The following TSNARE1 variants were observed in gnomAD, a reference collection of about 807,000 sequenced individuals.
TSNARE1 encodes the protein t-SNARE domain containing 1.
TSNARE1 carries 49 observed loss-of-function variants against 62.0 expected under a neutral mutation model. The observed-to-expected ratio is 0.79, with a 90% CI of 0.63 to 1.00. The LOEUF (loss-of-function observed/expected upper bound fraction) is 1.00, where lower values mean the gene tolerates loss of function less well. Ranked by LOEUF, TSNARE1 falls within the 50% of genes least tolerant of loss-of-function variation. The pLI, the probability that TSNARE1 is intolerant of heterozygous loss-of-function variation, is 0.00. For missense variants in TSNARE1, 755 were observed against 700.1 expected, an observed-to-expected ratio of 1.08 and a Z score of -0.88; for synonymous variants, 328 against 294.4, an observed-to-expected ratio of 1.11 and a Z score of -1.17.
rs1563755730 is a variant in TSNARE1 at position 142,222,684 on chromosome 8, C to CACTCACTCACTCATCCACT, written c.*11+6788_*11+6789insAGTGGATGAGTGAGTGAGT. Among the ~76,000 whole-genome samples, 120 of 86,686 alleles carry CACTCACTCACTCATCCACT rather than the reference C, an allele frequency of 1.4e-3. 47 individuals are homozygous for CACTCACTCACTCATCCACT. Among genetic ancestry groups the CACTCACTCACTCATCCACT allele is most frequent in the East Asian group, 5.8e-3 (13 of 2,226 alleles). 56.9% of individuals were successfully genotyped at this position (86,686 alleles called of 152,430 possible). On this transcript the variant is annotated intron_variant, in intron 13 of 13. Transcript: ENST00000524325. Reference sequence around the variant, plus strand: ...TTCACTCACTCACTCATCCACTCATCCACTCACTCACTCATCCACTCACTC... The same window carrying CACTCACTCACTCATCCACT: ...TTCACTCACTCACTCATCCACTCATCACTCACTCACTCATCCACTCACTCACTCACTCATCCACTCACTC...
rs371989387 is a variant in TSNARE1 at position 142,331,008 on chromosome 8, A to C, written c.824-38T>G. 1.9e-6 allele frequency: 3 copies of C among 1,589,060 alleles called. No individual in the cohort carries two copies. The African/African-American group carries it at 4.0e-5, about 21-fold the overall frequency. On this transcript the variant is annotated intron_variant, in intron 5 of 13. Coordinates refer to ENST00000524325, the MANE Select transcript of TSNARE1 (RefSeq NM_145003.5). Reference sequence around the variant, plus strand: ...AGAGGGACAGGGTGAGGGCAGAAGGAGCTTCCCTGCCCCCTGCTACTCCAT... The same window carrying C: ...AGAGGGACAGGGTGAGGGCAGAAGGCGCTTCCCTGCCCCCTGCTACTCCAT...
intron 4 of TSNARE1, among the ~76,000 whole-genome samples, chr8:142,335,727 C>T (rs1046778780): frequency 6.6e-6 from 1 of 152,204 alleles, no homozygotes; most frequent in Admixed American, 6.5e-5. Flanking sequence ...GAGCCGAAGA[C>T]GGCTCGTCCA....
At chr8:142,225,153 C>A (rs1442722145) in intron 13 of TSNARE1, among the ~76,000 whole-genome samples, 1 of 151,894 alleles carries the variant, frequency 6.6e-6, no homozygotes, top group Non-Finnish European at 1.5e-5. Flanking sequence ...CCTGCCTCCC[C>A]CCTCCCCCCA....
chr8:142,391,233 C>T (rs1837499340), intron 1 of TSNARE1, among the ~76,000 whole-genome samples: 1 of 144,192 alleles, frequency 6.9e-6, no homozygotes, highest in Admixed American at 6.9e-5. Flanking sequence ...GACTCTATAG[C>T]AGACGCTGTA....
At position 142,300,348 on chromosome 8, in the gene TSNARE1, C is replaced by G. The variant is rs369807182; in HGVS notation, c.1290+138G>C. On this transcript the variant is annotated intron_variant, in intron 10 of 13. Transcript: ENST00000524325. The stretch of plus-strand genomic sequence containing the variant: ...GCCAGAGAGAGGTGGTTAGAATGGG[C>G]AAGGCCATGGAGGCCTAGTTCCAGC... 207 of 1,004,682 alleles carry G rather than the reference C, an allele frequency of 2.1e-4. No individual in the cohort carries two copies. In the African/African-American group the frequency reaches 3.1e-3, roughly 15 times the overall value. The allele number at this position is 1,004,682 out of a possible 1,614,324, so 62.2% of individuals were successfully genotyped here.
chr8:142,327,677 C>A lies in TSNARE1; in HGVS notation c.893+3224G>T, dbSNP rs578058606. ...ACCGCACACATGGATCATGGTCCTGCCCTGCTTAAGCTCTCACTGCAGGAG... is the reference window on the plus strand; with the variant it reads ...ACCGCACACATGGATCATGGTCCTGACCTGCTTAAGCTCTCACTGCAGGAG... On this transcript the variant is annotated intron_variant, in intron 6 of 13. Coordinates refer to ENST00000524325, the MANE Select transcript of TSNARE1 (RefSeq NM_145003.5). 6.6e-5 allele frequency among the ~76,000 whole-genome samples: 10 copies of A among 152,332 alleles called. No homozygotes were observed. The South Asian group carries it at 2.1e-3, about 32-fold the overall frequency.
At chr8:142,230,579 G>T (rs1817054143) in intron 12 of TSNARE1, among the ~76,000 whole-genome samples, 1 of 152,134 alleles carries the variant, frequency 6.6e-6, no homozygotes. Context: ...ATGGGCAGGG[G>T]CCTAGGGGAG....
chr8:142,214,163 G>T (rs952337391), intron 13 of TSNARE1, among the ~76,000 whole-genome samples: 1 of 152,186 alleles, frequency 6.6e-6, no homozygotes, highest in Non-Finnish European at 1.5e-5. Context: ...AGGCGATGAC[G>T]CTGGGTGCGG....
chr8:142,358,985 T>A (rs1406206065), intron 1 of TSNARE1, among the ~76,000 whole-genome samples: 1 of 151,884 alleles, frequency 6.6e-6, no homozygotes, highest in African/African-American at 2.4e-5. Flanking sequence ...AGCTGGGCCC[T>A]GTCCTGCCCC....
intron 11 of TSNARE1, among the ~76,000 whole-genome samples, chr8:142,281,380 G>A (rs1586996954): frequency 1.3e-5 from 2 of 152,034 alleles, no homozygotes; most frequent in South Asian, 4.1e-4. Context: ...TCCAGTGGGA[G>A]CGGGAAAGAC....
At chr8:142,366,361 A>G (rs1835551443) in intron 1 of TSNARE1, among the ~76,000 whole-genome samples, 1 of 152,210 alleles carries the variant, frequency 6.6e-6, no homozygotes, top group African/African-American at 2.4e-5. Context: ...TAGTCTAAAA[A>G]CAAGAAAAAG....
intron 1 of TSNARE1, among the ~76,000 whole-genome samples, chr8:142,374,816 C>T (rs530885927): frequency 2.0e-5 from 3 of 151,996 alleles, no homozygotes; most frequent in African/African-American, 4.8e-5. Context: ...GGGGCTGGGG[C>T]GGAGGAAGGA....
intron 12 of TSNARE1, among the ~76,000 whole-genome samples, chr8:142,235,826 G>A (rs1416094581): frequency 6.6e-6 from 1 of 152,176 alleles, no homozygotes; most frequent in Non-Finnish European, 1.5e-5. Context: ...TCTGTGCCAG[G>A]GCCTGCCAGG....
At chr8:142,368,310 G>A (rs1179595442) in intron 1 of TSNARE1, among the ~76,000 whole-genome samples, 2 of 152,096 alleles carry the variant, frequency 1.3e-5, no homozygotes, top group Non-Finnish European at 2.9e-5. Flanking sequence ...ACACACACAG[G>A]ATATAAAACT....
chr8:142,282,811 G>C (rs1290269598), intron 11 of TSNARE1, among the ~76,000 whole-genome samples: 1 of 141,060 alleles, frequency 7.1e-6, no homozygotes, highest in Non-Finnish European at 1.5e-5. Context: ...ATGAGCAGAG[G>C]CGGGACCAGT....
intron 6 of TSNARE1, among the ~76,000 whole-genome samples, chr8:142,322,240 C>T (rs951390721): frequency 6.6e-6 from 1 of 152,154 alleles, no homozygotes. Context: ...TTCCTAGTTT[C>T]CTTAACTAGA....
chr8:142,331,510 G>T (rs1193254079), intron 5 of TSNARE1, among the ~76,000 whole-genome samples: 2 of 151,848 alleles, frequency 1.3e-5, no homozygotes, highest in Non-Finnish European at 2.9e-5. Context: ...GCGGTACCCG[G>T]CCCTGACCCA....
intron 11 of TSNARE1, among the ~76,000 whole-genome samples, chr8:142,283,199 G>A (rs1490053293): frequency 5.3e-5 from 8 of 151,488 alleles, no homozygotes; most frequent in African/African-American, 1.7e-4. Flanking sequence ...TGGGGCCACT[G>A]TCTGTCTAAG....
At chr8:142,324,741 T>C (rs1196170246) in intron 6 of TSNARE1, among the ~76,000 whole-genome samples, 1 of 152,182 alleles carries the variant, frequency 6.6e-6, no homozygotes, top group Non-Finnish European at 1.5e-5. Context: ...CCAGGCTCCC[T>C]GGCACCGGGT....
Sources: allele counts gnomAD v4.1 joint callset (sites outside exome capture counted in the v4.1 genomes callset), GRCh38; gene constraint gnomAD v4.1.1; transcripts MANE v1.5; gene names NCBI Gene and HGNC (gene_info 2026-07-23, HGNC 2026-07-21).